Variants in NUP54 observed in about 807,000 individuals in gnomAD.
The protein encoded by NUP54 is nucleoporin 54.
NUP54 carries 27 observed loss-of-function variants against 66.4 expected under a neutral mutation model. The ratio of observed to expected loss-of-function variants is 0.41; its 90% confidence interval spans 0.30 to 0.56. NUP54 has a LOEUF of 0.56. Among genes scored for constraint, NUP54 ranks in the 20% least tolerant of loss-of-function variants. NUP54 has a pLI of 0.34. For missense variants in NUP54, 486 were observed against 596.3 expected, an observed-to-expected ratio of 0.82 and a Z score of 1.93; for synonymous variants, 206 against 210.7, an observed-to-expected ratio of 0.98 and a Z score of 0.19.
intron 9 of NUP54, among the ~76,000 whole-genome samples, chr4:76,118,860 C>T (rs944206636): frequency 6.6e-6 from 1 of 151,792 alleles, no homozygotes; most frequent in Non-Finnish European, 1.5e-5. Context: ...AAAAATTAGC[C>T]GGACGTTGAT....
Position 76,144,290 on chromosome 4 carries a change from G to C in NUP54, c.154C>G (p.Leu52Val), listed in dbSNP as rs368819056. Reference sequence around the variant, plus strand: ...CCTTTGTTCTGAGTACCACCAAAGAGTCCTTTGAATGAAAAATTGGAACTT... The same window carrying C: ...CCTTTGTTCTGAGTACCACCAAAGACTCCTTTGAATGAAAAATTGGAACTT... ...SAPTNTGTTG[L>V]FGGTQNKGFG... is the part of the protein sequence containing the mutation. Residue 52 changes from leucine (L) to valine (V), a missense_variant and splice_region_variant, in exon 3 of 12, where the codon CTC becomes GTC. Physicochemically the swap from Leu to Val is conservative, Grantham distance 32. Transcript: ENST00000264883. 145 of 1,602,460 alleles carry C rather than the reference G, an allele frequency of 9.0e-5. No individual in the cohort carries two copies. Among genetic ancestry groups the C allele is most frequent in the Non-Finnish European group, 1.2e-4 (139 of 1,177,048 alleles).
chr4:76,132,757 C>T (rs1037181684), intron 5 of NUP54, 38 bp from the exon 6 acceptor site: 1 of 1,500,664 alleles, frequency 6.7e-7, no homozygotes, highest in Non-Finnish European at 9.1e-7. Flanking sequence ...ATATGGAGCA[C>T]AAAACTCATA....
At chr4:76,131,038 C>CT (rs80137978) in intron 7 of NUP54, among the ~76,000 whole-genome samples, 192 bp downstream of exon 7, 19,921 of 151,514 alleles carry the variant, frequency 0.13, 1,524 homozygotes, top group East Asian at 0.35. Context: ...TTACCATAAT[C>CT]TTTTTTTTTC....
At chr4:76,145,358 C>G (rs1360063566) in intron 1 of NUP54, among the ~76,000 whole-genome samples, 2 of 149,022 alleles carry the variant, frequency 1.3e-5, no homozygotes, top group Non-Finnish European at 3.0e-5. Flanking sequence ...TTTTTAAACC[C>G]TAATTCAACT....
chr4:76,128,410 A>AAT lies in NUP54; in HGVS notation c.1056+2245_1056+2246insAT, dbSNP rs397994063. On this transcript the variant is annotated intron_variant, in intron 8 of 11. Transcript: ENST00000264883. The stretch of plus-strand genomic sequence containing the variant: ...AAGGAAATGCTGAAAAAAAAAAAAA[A>AAT]GTCCAAATAACTCAAAAGAAAGCAG... Among the ~76,000 whole-genome samples the AAT allele has an allele frequency of 2.6e-5, 4 of 151,726 alleles. No homozygotes were observed. The South Asian group carries it at 6.2e-4, about 24-fold the overall frequency.
chr4:76,134,550 C>A (rs1730950041), intron 4 of NUP54, among the ~76,000 whole-genome samples, 188 bp from the exon 5 acceptor site: 1 of 151,980 alleles, frequency 6.6e-6, no homozygotes, highest in African/African-American at 2.4e-5. Flanking sequence ...AACTATTTTA[C>A]CCAGGAATAA....
At chr4:76,118,022 TCTGCAGATCCAC>T in intron 10 of NUP54, 41 bp downstream of exon 10, 1 of 1,575,712 alleles carries the variant, frequency 6.3e-7, no homozygotes. Context: ...TAACTTTTTG[TCTGCAGATCCAC>T]CTGAAACAAA....
At chr4:76,123,671 C>T (rs1004649280) in intron 9 of NUP54, among the ~76,000 whole-genome samples, 1 of 152,036 alleles carries the variant, frequency 6.6e-6, no homozygotes, top group Non-Finnish European at 1.5e-5. Flanking sequence ...AGCAACCATG[C>T]CTGGCTGATT....
Position 76,132,401 on chromosome 4 carries a change from A to G in NUP54, c.907+122T>C, listed in dbSNP as rs148332235. 60 of 624,254 alleles carry G rather than the reference A, an allele frequency of 9.6e-5. 1 individual carries two copies. The highest frequency in any genetic ancestry group is 8.9e-4 in the African/African-American group (47 of 52,974). The allele number at this position is 624,254 out of a possible 1,614,324, so 38.7% of individuals were successfully genotyped here. On this transcript the variant is annotated intron_variant, in intron 6 of 11. Coordinates refer to ENST00000264883, the MANE Select transcript of NUP54 (RefSeq NM_017426.4). ...TCAAAACTATTTCCCAAATAAGTAG[A>G]TATATGACAAGATGATACTAATTTT...
chr4:76,133,022 T>C (rs1730877190), intron 5 of NUP54, among the ~76,000 whole-genome samples: 1 of 148,856 alleles, frequency 6.7e-6, no homozygotes, highest in African/African-American at 2.5e-5. Context: ...CTTACATGTA[T>C]GTGTGTCTAT....
Position 76,117,885 on chromosome 4 carries a change from C to T in NUP54, c.1285-111G>A, listed in dbSNP as rs369635113. 65 of 1,026,048 alleles carry T rather than the reference C, an allele frequency of 6.3e-5. 1 individual carries two copies. Among genetic ancestry groups the T allele is most frequent in the South Asian group, 3.7e-4 (25 of 66,876 alleles). The allele number at this position is 1,026,048 out of a possible 1,614,324, so 63.6% of individuals were successfully genotyped here. On this transcript the variant is annotated intron_variant, in intron 10 of 11. Coordinates refer to ENST00000264883, the MANE Select transcript of NUP54 (RefSeq NM_017426.4). Reference sequence around the variant, plus strand: ...CCATCTATTAAAAATTTCTATTTCTCTCTCTGTACATTATATTCGAAACAC... The same window carrying T: ...CCATCTATTAAAAATTTCTATTTCTTTCTCTGTACATTATATTCGAAACAC...
At chr4:76,125,314 CAT>C (rs1730424132) in intron 8 of NUP54, among the ~76,000 whole-genome samples, 1 of 95,226 alleles carries the variant, frequency 1.1e-5, no homozygotes, top group African/African-American at 5.6e-5. Flanking sequence ...AGTGAGACTC[CAT>C]CACACACACA....
At chr4:76,134,435 T>A in intron 4 of NUP54, 73 bp from the exon 5 acceptor site, 1 of 1,176,456 alleles carries the variant, frequency 8.5e-7, no homozygotes, top group Non-Finnish European at 1.2e-6. Context: ...ATTAATAGCT[T>A]AATATCTGCT....
intron 9 of NUP54, among the ~76,000 whole-genome samples, chr4:76,119,851 A>C (rs2109855284): frequency 6.6e-6 from 1 of 152,156 alleles, no homozygotes; most frequent in East Asian, 1.9e-4. Flanking sequence ...CTTTTTCATA[A>C]ACACACACAT....
intron 8 of NUP54, among the ~76,000 whole-genome samples, chr4:76,129,748 C>T (rs1730698576): frequency 6.6e-6 from 1 of 151,014 alleles, no homozygotes; most frequent in Non-Finnish European, 1.5e-5. Context: ...GCCTGTAGTC[C>T]CAGCTACTCC....
chr4:76,130,945 G>A, intron 7 of NUP54, 196 bp from the exon 8 acceptor site: 1 of 607,444 alleles, frequency 1.6e-6, no homozygotes, highest in Non-Finnish European at 2.9e-6. Context: ...AGGAAATACA[G>A]TTCAGTCAAA....
chr4:76,130,422 C>G (rs1354349946), intron 8 of NUP54, among the ~76,000 whole-genome samples: 1 of 152,074 alleles, frequency 6.6e-6, no homozygotes, highest in African/African-American at 2.4e-5. Flanking sequence ...AAATGACAGT[C>G]TAATTAATCC....
At chr4:76,146,951 A>T (rs546472057) in intron 1 of NUP54, among the ~76,000 whole-genome samples, 1 of 152,366 alleles carries the variant, frequency 6.6e-6, no homozygotes, top group South Asian at 2.1e-4. Flanking sequence ...ATCTTATAGA[A>T]ATTACACATC....
rs532067337 is a variant in NUP54, at chr4:76,133,596, C to T, written c.710+579G>A. ...TGCTGGGATTACAGGCGTGAGCCAC[C>T]GTGCCCGGCCAATAAGATAATATTT... is the stretch of plus-strand genomic sequence containing the variant. On this transcript the variant is annotated intron_variant, in intron 5 of 11. Coordinates refer to ENST00000264883, the MANE Select transcript of NUP54 (RefSeq NM_017426.4). Among the ~76,000 whole-genome samples the T allele has an allele frequency of 6.6e-5, 10 of 152,198 alleles. No homozygotes were observed. In the East Asian group the frequency reaches 1.5e-3, roughly 24 times the overall value.
Sources: gnomAD v4.1 joint callset for allele counts (sites outside exome capture counted in the v4.1 genomes callset) on GRCh38, gnomAD v4.1.1 for gene constraint, MANE v1.5 for transcripts, NCBI Gene and HGNC (gene_info 2026-07-23, HGNC 2026-07-21) for gene names.